The following MGRN1 variants were observed in gnomAD, a reference collection of about 807,000 sequenced individuals.
MGRN1 encodes mahogunin ring finger 1, also known as E3 ubiquitin-protein ligase MGRN1.
A neutral mutation model predicts 69.2 loss-of-function variants in MGRN1; 29 were observed. That is an observed-to-expected ratio of 0.42 (90% confidence interval 0.31 to 0.57). The LOEUF (loss-of-function observed/expected upper bound fraction) is 0.57, where lower values mean the gene tolerates loss of function less well. Ranked by LOEUF, MGRN1 falls within the 20% of genes least tolerant of loss-of-function variation. The pLI is 0.15. For synonymous variants in MGRN1, 470 were observed against 344.2 expected (o/e 1.37, Z -4.04); for missense variants, 998 against 796.2 (o/e 1.25, Z -3.05).
chr16:4,625,193 G>T (rs372871899), intron 1 of MGRN1, 145 bp downstream of exon 1: 2 of 719,392 alleles, frequency 2.8e-6, no homozygotes, highest in African/African-American at 1.9e-5. Flanking sequence ...GCGGCCCCAC[G>T]GCCCCGATCC....
chr16:4,640,303 C>T (rs1256843596), intron 1 of MGRN1: 1 of 152,518 alleles, frequency 6.6e-6, no homozygotes, highest in Non-Finnish European at 1.5e-5. Flanking sequence ...TTTGGTTTTT[C>T]TCAGCTGTAG....
At chr16:4,682,071 G>T (rs1345068740) in intron 13 of MGRN1, among the ~76,000 whole-genome samples, 1 of 152,254 alleles carries the variant, frequency 6.6e-6, no homozygotes, top group African/African-American at 2.4e-5. Context: ...GGTCGGTGCT[G>T]TGTCTCTGCT....
In MGRN1 at chr16:4,680,010, CAT is replaced by C. The variant is rs753084314; in HGVS notation, c.1066-19_1066-18del. On this transcript the variant is annotated intron_variant, in intron 11 of 16. Coordinates refer to ENST00000262370, the MANE Select transcript of MGRN1 (RefSeq NM_015246.4). ...CCGCGTGGGGGTGGTAGTTGTAAAA[CAT>C]ATGATTTTTATCTTGACAGTGTCCC... The C allele has an allele frequency of 3.4e-5, 55 of 1,612,190 alleles. No individual in the cohort carries two copies. The highest frequency in any genetic ancestry group is 1.1e-4 in the South Asian group (10 of 90,862).
In MGRN1 at chr16:4,677,540, C is replaced by T; in HGVS notation, c.1033C>T (p.Leu345=). The T allele has an allele frequency of 6.2e-7, 1 of 1,600,026 alleles. No homozygotes were observed. The highest frequency in any genetic ancestry group is 8.5e-7 in the Non-Finnish European group (1 of 1,179,450). Residue 345 remains leucine (L), a synonymous_variant, in exon 11 of 17, where the codon CTG becomes TTG. Coordinates refer to ENST00000262370, the MANE Select transcript of MGRN1 (RefSeq NM_015246.4). ...ALSPVSFSPV[L]AQSLEHDEHS... is the part of the protein sequence containing the mutation. ...GTCCCCCGTGTCCTTCAGCCCCGTC[C>T]TGGCCCAGAGCCTGGAGCATGATGA...
At chr16:4,660,375 G>A (rs1053507848) in intron 5 of MGRN1, among the ~76,000 whole-genome samples, 7 of 152,210 alleles carry the variant, frequency 4.6e-5, no homozygotes, top group Non-Finnish European at 8.8e-5. Flanking sequence ...TCTGCCAGCC[G>A]GGGAGTGGGA....
intron 1 of MGRN1, among the ~76,000 whole-genome samples, chr16:4,644,865 A>G (rs1278144630): frequency 6.6e-6 from 1 of 152,156 alleles, no homozygotes; most frequent in African/African-American, 2.4e-5. Context: ...TCATGCAACC[A>G]TTACCTTGAT....
At chr16:4,665,231 C>A in intron 7 of MGRN1, 80 bp downstream of exon 7, 1 of 1,510,574 alleles carries the variant, frequency 6.6e-7, no homozygotes, top group Non-Finnish European at 9.1e-7. Context: ...GAAGCCTGAG[C>A]AGGGGCTGGG....
chr16:4,635,768 G>A (rs897933208), intron 1 of MGRN1, among the ~76,000 whole-genome samples: 3 of 151,576 alleles, frequency 2.0e-5, no homozygotes, highest in African/African-American at 7.3e-5. Context: ...CCGAGTAGCT[G>A]GGATTACAGG....
rs536829015 is a variant in MGRN1 at position 4,686,606 on chromosome 16, G to A, written c.1619-2190G>A. The A allele has an allele frequency of 1.5e-4, 182 of 1,216,030 alleles. No homozygotes were observed. The African/African-American group carries it at 2.7e-3, about 18-fold the overall frequency. 75.3% of individuals were successfully genotyped at this position (1,216,030 alleles called of 1,614,324 possible). On this transcript the variant is annotated intron_variant, in intron 16 of 16. Coordinates refer to ENST00000262370, the MANE Select transcript of MGRN1 (RefSeq NM_015246.4). ...CTGGAACAGTCCCAGCCCAGGCAGG[G>A]AGACAGACACAGCCCAGGTGCGCCA...
chr16:4,688,980 T>C lies in MGRN1; in HGVS notation c.*72T>C, dbSNP rs926215190. The stretch of plus-strand genomic sequence containing the variant: ...TGCCGAGGGGCTGCTCCGGACCCCG[T>C]TGTGAGCCGGCCTCCTGTCTGCATG... On this transcript the variant is annotated 3_prime_UTR_variant, in exon 17 of 17. Transcript: ENST00000262370. 3.4e-6 allele frequency: 5 copies of C among 1,463,522 alleles called. No homozygotes were observed. The African/African-American group carries it at 4.2e-5, about 12-fold the overall frequency. 90.7% of individuals were successfully genotyped at this position (1,463,522 alleles called of 1,614,324 possible).
intron 5 of MGRN1, among the ~76,000 whole-genome samples, chr16:4,660,900 T>A (rs907010464): frequency 6.6e-6 from 1 of 152,188 alleles, no homozygotes; most frequent in African/African-American, 2.4e-5. Context: ...GTGTCTGTGG[T>A]ATCCCTCAGA....
intron 1 of MGRN1, among the ~76,000 whole-genome samples, chr16:4,629,334 G>A (rs2141819318): frequency 6.6e-6 from 1 of 152,262 alleles, no homozygotes; most frequent in East Asian, 1.9e-4. Context: ...CTCCCAGTCT[G>A]GCTTGTCTTT....
chr16:4,671,867 G>A (rs1369284941), intron 9 of MGRN1, among the ~76,000 whole-genome samples: 2 of 152,174 alleles, frequency 1.3e-5, no homozygotes, highest in Non-Finnish European at 2.9e-5. Flanking sequence ...AAGCCGTGGT[G>A]TACCCCAGTC....
At chr16:4,679,421 C>T (rs998964141) in intron 11 of MGRN1, among the ~76,000 whole-genome samples, 1 of 152,168 alleles carries the variant, frequency 6.6e-6, no homozygotes, top group African/African-American at 2.4e-5. Flanking sequence ...GAGCCGCCGT[C>T]CTCTCTGCAT....
chr16:4,673,698 A>G, intron 10 of MGRN1, 41 bp downstream of exon 10: 2 of 1,605,460 alleles, frequency 1.2e-6, no homozygotes, highest in African/African-American at 1.3e-5. Context: ...GGTTCTGGAA[A>G]TTAGGGACTG....
At chr16:4,686,226 A>T in intron 16 of MGRN1, 1 of 1,537,038 alleles carries the variant, frequency 6.5e-7, no homozygotes. Flanking sequence ...TTGCTAACCG[A>T]GCTTCCGTCT....
In MGRN1 at chr16:4,688,950, G is replaced by A. The variant is rs12934568; in HGVS notation, c.*42G>A. 6.6e-7 allele frequency: 1 copy of A among 1,509,702 alleles called. No homozygotes were observed. The highest frequency in any genetic ancestry group is 1.2e-5 in the South Asian group (1 of 81,554). The allele number at this position is 1,509,702 out of a possible 1,614,324, so 93.5% of individuals were successfully genotyped here. A position where few individuals can be genotyped will look rare whatever the true frequency, so the allele number is the denominator to read the frequency against. On this transcript the variant is annotated 3_prime_UTR_variant, in exon 17 of 17. Coordinates refer to ENST00000262370, the MANE Select transcript of MGRN1 (RefSeq NM_015246.4). The stretch of plus-strand genomic sequence containing the variant: ...GCAGCATGGAGCCCTCGGCTCCCCA[G>A]ACTTTGCCGAGGGGCTGCTCCGGAC...
rs747903123 is a variant in MGRN1 at position 4,682,952 on chromosome 16, GC to G, written c.1482+13del. 106 of 1,552,782 alleles carry G rather than the reference GC, an allele frequency of 6.8e-5. No homozygotes were observed. In the Middle Eastern group the frequency reaches 7.5e-4, roughly 11 times the overall value. On this transcript the variant is annotated splice_region_variant and intron_variant, in intron 14 of 16. Coordinates refer to ENST00000262370, the MANE Select transcript of MGRN1 (RefSeq NM_015246.4). ...GGGAAAGCAGCTCCCCTGAGGTGAG[GC>G]CCCCCCGGGGAAGCTTTGCGCACCC...
At chr16:4,677,661 C>T (rs1009736561) in intron 11 of MGRN1, 89 bp downstream of exon 11, 2 of 1,257,850 alleles carry the variant, frequency 1.6e-6, no homozygotes, top group African/African-American at 1.5e-5. Context: ...CAGCCAGCAG[C>T]CCCGTGTTCT....
Sources: gnomAD v4.1 joint callset for allele counts (sites outside exome capture counted in the v4.1 genomes callset) on GRCh38, gnomAD v4.1.1 for gene constraint, MANE v1.5 for transcripts, NCBI Gene and HGNC (gene_info 2026-07-23, HGNC 2026-07-21) for gene names.